The following CNOT6L variants were observed in gnomAD, a reference collection of about 807,000 sequenced individuals.
CNOT6L encodes CCR4-NOT transcription complex subunit 6-like.
Under a neutral mutation model 64.0 loss-of-function variants are expected in CNOT6L, and 7 were observed. The observed-to-expected ratio is 0.11, with a 90% CI of 0.06 to 0.21. The LOEUF (loss-of-function observed/expected upper bound fraction) is 0.21, where lower values mean the gene tolerates loss of function less well. CNOT6L is among the 10% of genes least tolerant of loss of function. CNOT6L has a pLI of 1.00. For synonymous variants in CNOT6L, 193 were observed against 243.4 expected, an observed-to-expected ratio of 0.79 and a Z score of 1.93; for missense variants, 245 against 669.0, an observed-to-expected ratio of 0.37 and a Z score of 6.99.
chr4:77,734,895 A>G lies in CNOT6L; in HGVS notation c.873-3357T>C, dbSNP rs538060317. ...TCTCTCAAAATAATTAAATTTCTCA[A>G]TAGGACAGAATAATAAAAAAAAAAT... On this transcript the variant is annotated intron_variant, in intron 8 of 11. Transcript: ENST00000504123. Among the ~76,000 whole-genome samples, 10 of 152,264 alleles carry G rather than the reference A, an allele frequency of 6.6e-5. 1 individual carries two copies. The South Asian group carries it at 1.9e-3, about 28-fold the overall frequency.
chr4:77,793,000 A>G (rs181124151), intron 1 of CNOT6L, among the ~76,000 whole-genome samples: 61 of 151,326 alleles, frequency 4.0e-4, no homozygotes, highest in Non-Finnish European at 6.9e-4. Flanking sequence ...TTAAACACCT[A>G]CAGAACTCAG....
chr4:77,734,052 T>C (rs73827425), intron 8 of CNOT6L, among the ~76,000 whole-genome samples: 7,254 of 152,268 alleles, frequency 0.048, 233 homozygotes, highest in Middle Eastern at 0.085. Flanking sequence ...ATAAATGAAC[T>C]ACAGCCTTCT....
intron 7 of CNOT6L, 89 bp from the exon 8 acceptor site, chr4:77,742,384 A>C (rs765561530): frequency 6.7e-6 from 8 of 1,192,434 alleles, no homozygotes; most frequent in African/African-American, 6.1e-5. Context: ...GTAAGATGTA[A>C]CTTAGTAAAA....
chr4:77,804,383 C>T (rs1036268692), intron 1 of CNOT6L, among the ~76,000 whole-genome samples: 2 of 150,380 alleles, frequency 1.3e-5, no homozygotes, highest in Non-Finnish European at 2.9e-5. Context: ...GAACCGGTAT[C>T]GTGCCACTGC....
At chr4:77,765,879 GCTTA>G (rs1223442273) in intron 4 of CNOT6L, among the ~76,000 whole-genome samples, 1 of 152,164 alleles carries the variant, frequency 6.6e-6, no homozygotes, top group African/African-American at 2.4e-5. Context: ...AATATTTGCT[GCTTA>G]CTTAAAAAGT....
At chr4:77,776,137 C>T (rs1041073473) in intron 2 of CNOT6L, 134 bp downstream of exon 2, 23 of 821,950 alleles carry the variant, frequency 2.8e-5, no homozygotes, top group Admixed American at 7.5e-5. Context: ...AAACAGAAAA[C>T]ACTAGTATCT....
chr4:77,731,046 A>T (rs1722394677), intron 9 of CNOT6L, among the ~76,000 whole-genome samples: 1 of 152,116 alleles, frequency 6.6e-6, no homozygotes, highest in African/African-American at 2.4e-5. Flanking sequence ...TCAAGCTAAA[A>T]ATATAATTCA....
chr4:77,739,611 T>C (rs1373400011), intron 8 of CNOT6L, among the ~76,000 whole-genome samples: 2 of 152,148 alleles, frequency 1.3e-5, no homozygotes, highest in Non-Finnish European at 2.9e-5. Flanking sequence ...CAGAAGGTGG[T>C]TTTGTTCTAC....
intron 2 of CNOT6L, among the ~76,000 whole-genome samples, chr4:77,775,473 CAG>C (rs1463982850): frequency 6.6e-6 from 1 of 152,102 alleles, no homozygotes; most frequent in Non-Finnish European, 1.5e-5. Flanking sequence ...CAAGATAACA[CAG>C]AGAGTTCCTA....
intron 11 of CNOT6L, among the ~76,000 whole-genome samples, chr4:77,724,437 G>C (rs1158112506): frequency 6.6e-6 from 1 of 151,646 alleles, no homozygotes; most frequent in Non-Finnish European, 1.5e-5. Flanking sequence ...CCAGGAGTTT[G>C]AGACCAGCAT....
intron 1 of CNOT6L, among the ~76,000 whole-genome samples, chr4:77,818,220 T>A (rs1471398266): frequency 6.6e-6 from 1 of 152,132 alleles, no homozygotes; most frequent in Non-Finnish European, 1.5e-5. Context: ...CTGAACACAA[T>A]CCACCTAAAC....
chr4:77,740,355 G>GT (rs972499618), intron 8 of CNOT6L, among the ~76,000 whole-genome samples: 3 of 152,124 alleles, frequency 2.0e-5, no homozygotes, highest in Admixed American at 2.0e-4. Context: ...GGGTGACAGA[G>GT]TAAGACTCTG....
In CNOT6L at chr4:77,720,393, A is replaced by G. The variant is rs749974301; in HGVS notation, c.*38T>C. 34 of 1,609,048 alleles carry G rather than the reference A, an allele frequency of 2.1e-5. No individual in the cohort carries two copies. The South Asian group carries it at 2.7e-4, about 13-fold the overall frequency. ...CTTTGATTTACAACTGTACAGGTCC[A>G]TAGCAACAGATCCCCGTCTTGGCGG... On this transcript the variant is annotated 3_prime_UTR_variant, in exon 12 of 12. Coordinates refer to ENST00000504123, the MANE Select transcript of CNOT6L (RefSeq NM_144571.3).
At chr4:77,806,796 A>C (rs1435620925) in intron 1 of CNOT6L, among the ~76,000 whole-genome samples, 1 of 152,152 alleles carries the variant, frequency 6.6e-6, no homozygotes, top group African/African-American at 2.4e-5. Context: ...GAGCCCTAGA[A>C]GTTAACCAGA....
chr4:77,778,687 C>T (rs909551752), intron 1 of CNOT6L, among the ~76,000 whole-genome samples: 1 of 150,672 alleles, frequency 6.6e-6, no homozygotes, highest in Admixed American at 6.6e-5. Flanking sequence ...TTACAGGCAT[C>T]CCAAAGTGCT....
intron 4 of CNOT6L, among the ~76,000 whole-genome samples, chr4:77,771,369 C>CT (rs1283432797): frequency 6.6e-6 from 1 of 152,104 alleles, no homozygotes; most frequent in East Asian, 1.9e-4. Flanking sequence ...CATTGATATG[C>CT]TTTCTATCAA....
chr4:77,781,414 A>C (rs1276408599), intron 1 of CNOT6L, among the ~76,000 whole-genome samples: 1 of 152,232 alleles, frequency 6.6e-6, no homozygotes, highest in Non-Finnish European at 1.5e-5. Context: ...TTAGTTTTTT[A>C]ATTTATAAGC....
At chr4:77,765,184 C>T (rs1248987298) in intron 4 of CNOT6L, among the ~76,000 whole-genome samples, 1 of 152,134 alleles carries the variant, frequency 6.6e-6, no homozygotes, top group African/African-American at 2.4e-5. Flanking sequence ...TTTACAAAGG[C>T]CATGGCAATG....
At chr4:77,782,719 ATCC>A (rs896556837) in intron 1 of CNOT6L, among the ~76,000 whole-genome samples, 7 of 150,688 alleles carry the variant, frequency 4.6e-5, no homozygotes, top group Non-Finnish European at 1.0e-4. Context: ...GGCTCAAGCA[ATCC>A]TCCTGCCTCA....
Sources: gnomAD v4.1 joint callset for allele counts (sites outside exome capture counted in the v4.1 genomes callset) on GRCh38, gnomAD v4.1.1 for gene constraint, MANE v1.5 for transcripts, NCBI Gene and HGNC (gene_info 2026-07-23, HGNC 2026-07-21) for gene names.